SLTM: variants seen among roughly 807,000 people sequenced by gnomAD.
The protein encoded by SLTM is SAFB-like transcription modulator.
In SLTM, 43 loss-of-function variants were observed where a neutral mutation model predicts 134.6. The ratio of observed to expected loss-of-function variants is 0.32; its 90% confidence interval spans 0.25 to 0.41. SLTM has a LOEUF of 0.41. Ranked by LOEUF, SLTM falls within the 10% of genes least tolerant of loss-of-function variation. The probability of loss-of-function intolerance (pLI) is 1.00; values close to 1 mark genes in which losing one functional copy is unlikely to be tolerated. For synonymous variants in SLTM, 424 were observed against 432.3 expected, an observed-to-expected ratio of 0.98 and a Z score of 0.24; for missense variants, 1,055 against 1,288.8, an observed-to-expected ratio of 0.82 and a Z score of 2.78.
chr15:58,886,361 G>A (rs2140950177), intron 19 of SLTM, among the ~76,000 whole-genome samples: 1 of 151,474 alleles, frequency 6.6e-6, no homozygotes, highest in South Asian at 2.1e-4. Flanking sequence ...CCAACTCTTG[G>A]GCTCAAGTGA....
In SLTM at chr15:58,932,458, G is replaced by A. The variant is rs1411084302; in HGVS notation, c.163-15C>T. ...TCTTCAATAGCCTACATTAGAAAGA[G>A]AAGTTAATATGCTACACAATCTATC... On this transcript the variant is annotated splice_polypyrimidine_tract_variant and intron_variant, in intron 1 of 20. Coordinates refer to ENST00000380516, the MANE Select transcript of SLTM (RefSeq NM_024755.4). 5 of 1,539,644 alleles carry A rather than the reference G, an allele frequency of 3.2e-6. No individual in the cohort carries two copies. The highest frequency in any genetic ancestry group is 4.5e-6 in the Non-Finnish European group (5 of 1,112,582).
intron 19 of SLTM, among the ~76,000 whole-genome samples, chr15:58,885,371 G>T (rs2034094530): frequency 6.6e-6 from 1 of 152,122 alleles, no homozygotes; most frequent in Non-Finnish European, 1.5e-5. Flanking sequence ...ATTTTCAAGG[G>T]AGGATACAAG....
At chr15:58,912,491 G>A in intron 5 of SLTM, 72 bp downstream of exon 5, 1 of 1,233,792 alleles carries the variant, frequency 8.1e-7, no homozygotes, top group Middle Eastern at 1.9e-4. Flanking sequence ...GAATTATGAA[G>A]TCAAAATAAG....
At chr15:58,918,378 G>A (rs2036792896) in intron 2 of SLTM, among the ~76,000 whole-genome samples, 1 of 152,148 alleles carries the variant, frequency 6.6e-6, no homozygotes, top group Non-Finnish European at 1.5e-5. Context: ...TTAGCCGTTG[G>A]AATAAATATT....
At chr15:58,933,160 C>T (rs2038004283) in intron 1 of SLTM, among the ~76,000 whole-genome samples, 5 of 151,758 alleles carry the variant, frequency 3.3e-5, no homozygotes, top group Admixed American at 3.3e-4. Context: ...CCCGGGGAGG[C>T]GGAGGCACGC....
Position 58,899,549 on chromosome 15 carries a change from C to T in SLTM, c.978G>A (p.Lys326=), listed in dbSNP as rs767249945. 1.8e-5 allele frequency: 29 copies of T among 1,614,162 alleles called. No individual in the cohort carries two copies. The highest frequency in any genetic ancestry group is 2.4e-5 in the Non-Finnish European group (28 of 1,180,000). The stretch of plus-strand genomic sequence containing the variant: ...TTTCTTTGTCTCCAGATTCTGCTTT[C>T]TTAGAACTTTCTCTGGCTTCCTTCT... ...PVEKEARESS[K]KAESGDKEKD... The change falls in exon 7 of 21, where the codon AAG becomes AAA. Residue 326 remains lysine (K), a synonymous_variant. Transcript: ENST00000380516. This position sits in a 1 kb window ranked among gnomAD's most constrained non-coding sequence, Gnocchi z 5.0.
At chr15:58,897,443 T>TA (rs1449760731) in intron 8 of SLTM, 1 of 451,294 alleles carries the variant, frequency 2.2e-6, no homozygotes, top group African/African-American at 2.0e-5. Flanking sequence ...ATTGTATGAG[T>TA]TCTAAGTTGA....
Position 58,912,449 on chromosome 15 carries a change from G to A in SLTM, c.561+114C>T, listed in dbSNP as rs565187612. On this transcript the variant is annotated intron_variant, in intron 5 of 20. Transcript: ENST00000380516. ...TTGTGTACATCACGTAAATAACTCAGTATTAAATTTAAGACAGTTATATGA... is the reference window on the plus strand; with the variant it reads ...TTGTGTACATCACGTAAATAACTCAATATTAAATTTAAGACAGTTATATGA... 2.6e-5 allele frequency: 25 copies of A among 963,078 alleles called. No individual in the cohort carries two copies. The South Asian group carries it at 2.7e-4, about 10-fold the overall frequency. The allele number at this position is 963,078 out of a possible 1,614,324, so 59.7% of individuals were successfully genotyped here.
At chr15:58,912,448 A>T in intron 5 of SLTM, 115 bp downstream of exon 5, 1 of 953,888 alleles carries the variant, frequency 1.0e-6, no homozygotes, top group Non-Finnish European at 1.7e-6. Flanking sequence ...TAAATAACTC[A>T]GTATTAAATT....
chr15:58,912,100 G>GTTT (rs796282134), intron 5 of SLTM, among the ~76,000 whole-genome samples: 4 of 137,632 alleles, frequency 2.9e-5, no homozygotes, highest in African/African-American at 5.3e-5. Context: ...GCTGCCAATA[G>GTTT]TTTTTTTTTT....
Position 58,888,408 on chromosome 15 carries a change from T to C in SLTM, c.2352A>G (p.Ala784=), listed in dbSNP as rs2140963700. The C allele has an allele frequency of 1.2e-6, 2 of 1,610,376 alleles. No individual in the cohort carries two copies. The highest frequency in any genetic ancestry group is 8.5e-7 in the Non-Finnish European group (1 of 1,179,088). Residue 784 remains alanine (A), a synonymous_variant, in exon 17 of 21, where the codon GCA becomes GCG. Transcript: ENST00000380516. ...RERGRFPESS[A]VQSSSFERRD... ...ACCTTTCAAAAGATGAAGACTGTAC[T>C]GCTGAACTCTCAGGAAACCTGCCCC...
rs1204641363 is a variant in SLTM, at chr15:58,879,306, G to A, written c.*693C>T. The stretch of plus-strand genomic sequence containing the variant: ...AAGAACCTTGTGAAACAAACCTCAT[G>A]GCCAAGGTTTCATGAATCTATTTGG... On this transcript the variant is annotated 3_prime_UTR_variant, in exon 21 of 21. Transcript: ENST00000380516. The A allele has an allele frequency of 6.6e-6, 1 of 152,244 alleles. No homozygotes were observed. Among genetic ancestry groups the A allele is most frequent in the East Asian group, 1.9e-4 (1 of 5,204 alleles). The allele number at this position is 152,244 out of a possible 1,614,324, so 9.4% of individuals were successfully genotyped here.
chr15:58,912,682 C>A, intron 4 of SLTM, 72 bp from the exon 5 acceptor site: 1 of 1,203,440 alleles, frequency 8.3e-7, no homozygotes, highest in Admixed American at 2.0e-5. Flanking sequence ...TTTATGCTTA[C>A]ACCTGATTAT....
chr15:58,925,075 A>AC (rs1189897852), intron 2 of SLTM, among the ~76,000 whole-genome samples: 1 of 145,084 alleles, frequency 6.9e-6, no homozygotes, highest in African/African-American at 2.6e-5. Flanking sequence ...TAAAATGTTA[A>AC]AAAAAAAAAA....
At chr15:58,887,155 A>T (rs1323141173) in intron 18 of SLTM, 36 bp from the exon 19 acceptor site, 12 of 1,612,794 alleles carry the variant, frequency 7.4e-6, no homozygotes, top group Non-Finnish European at 1.0e-5. Flanking sequence ...CATGATCAAA[A>T]CTGTAATCTT....
chr15:58,928,817 T>G (rs1168715820), intron 2 of SLTM, among the ~76,000 whole-genome samples: 1 of 152,242 alleles, frequency 6.6e-6, no homozygotes, highest in East Asian at 1.9e-4. Context: ...GTCTCGCTGA[T>G]GTCTACATAA....
intron 8 of SLTM, chr15:58,897,473 T>A (rs1273699316): frequency 2.7e-6 from 1 of 370,546 alleles, no homozygotes; most frequent in African/African-American, 2.1e-5. Context: ...AAAAATCAAT[T>A]ACATGTCTCA....
intron 5 of SLTM, among the ~76,000 whole-genome samples, chr15:58,904,856 G>T (rs1234810063): frequency 6.6e-6 from 1 of 152,134 alleles, no homozygotes; most frequent in African/African-American, 2.4e-5. Context: ...GATTACAGGT[G>T]CGTACCACTA....
chr15:58,890,715 CCT>C (rs1223305976), intron 14 of SLTM, among the ~76,000 whole-genome samples: 1 of 152,060 alleles, frequency 6.6e-6, no homozygotes, highest in Non-Finnish European at 1.5e-5. Context: ...TTAGATGATT[CCT>C]GTTTAAATAA....
Sources: gnomAD v4.1 joint callset for allele counts (sites outside exome capture counted in the v4.1 genomes callset) on GRCh38, gnomAD v4.1.1 for gene constraint, Gnocchi (gnomAD v3.1) non-coding constraint, MANE v1.5 for transcripts, NCBI Gene and HGNC (gene_info 2026-07-23, HGNC 2026-07-21) for gene names.